The following NTN1 variants were observed in gnomAD, a reference collection of about 807,000 sequenced individuals.
The protein encoded by NTN1 is netrin-1.
Under a neutral mutation model 54.2 loss-of-function variants are expected in NTN1, and 11 were observed. The observed-to-expected ratio is 0.20, with a 90% confidence interval of 0.13 to 0.34. The LOEUF (loss-of-function observed/expected upper bound fraction) is 0.34. NTN1 is among the 10% of genes least tolerant of loss of function. NTN1 has a pLI of 1.00. For synonymous variants in NTN1, 371 were observed against 382.0 expected (o/e 0.97, Z 0.33); for missense variants, 740 against 893.1 (o/e 0.83, Z 2.18).
At chr17:9,079,941 G>T (rs2092065190) in intron 2 of NTN1, among the ~76,000 whole-genome samples, 1 of 149,776 alleles carries the variant, frequency 6.7e-6, no homozygotes, top group Non-Finnish European at 1.5e-5. Flanking sequence ...CCTGTTTCCT[G>T]ACCACCAAGG....
At chr17:9,186,776 G>T (rs970181696) in intron 5 of NTN1, among the ~76,000 whole-genome samples, 1 of 152,218 alleles carries the variant, frequency 6.6e-6, no homozygotes, top group Non-Finnish European at 1.5e-5. Context: ...ACTTTTTCAC[G>T]GAAGGAAGTT....
rs1347640166 is a variant in NTN1, at chr17:9,084,651, T to TTG, written c.1018+61261_1018+61262insGT. On this transcript the variant is annotated intron_variant, in intron 2 of 6. Transcript: ENST00000173229. ...TTTGGCTTTGTTCTTTGCAGTTTTTTTTTTTTTTTTTTTTTTTTGAGATGG... is the reference window on the plus strand; with the variant it reads ...TTTGGCTTTGTTCTTTGCAGTTTTTTTGTTTTTTTTTTTTTTTTTTGAGATGG... Among the ~76,000 whole-genome samples, 35 of 139,442 alleles carry TTG rather than the reference T, an allele frequency of 2.5e-4. 1 individual carries two copies. The highest frequency in any genetic ancestry group is 2.1e-3 in the Admixed American group (30 of 14,030). The allele number at this position is 139,442 out of a possible 152,430, so 91.5% of individuals were successfully genotyped here. A position where few individuals can be genotyped will look rare whatever the true frequency, so the allele number is the denominator to read the frequency against.
At chr17:9,155,858 C>T (rs1467638946) in intron 2 of NTN1, among the ~76,000 whole-genome samples, 1 of 152,178 alleles carries the variant, frequency 6.6e-6, no homozygotes, top group Non-Finnish European at 1.5e-5. Context: ...GTTTCTATCC[C>T]TGGATGCAAA....
intron 2 of NTN1, among the ~76,000 whole-genome samples, chr17:9,161,684 A>G (rs1405087663): frequency 1.3e-5 from 2 of 152,276 alleles, no homozygotes; most frequent in East Asian, 3.9e-4. Context: ...AGGGTGAGGC[A>G]AGAGAATCGC....
At chr17:9,038,904 T>C (rs1445753307) in intron 2 of NTN1, among the ~76,000 whole-genome samples, 2 of 152,216 alleles carry the variant, frequency 1.3e-5, no homozygotes, top group Non-Finnish European at 2.9e-5. Context: ...TAATATATTT[T>C]AATCTTTCAC....
chr17:9,109,785 T>C (rs945184337), intron 2 of NTN1, among the ~76,000 whole-genome samples: 1 of 152,254 alleles, frequency 6.6e-6, no homozygotes, highest in African/African-American at 2.4e-5. Context: ...TTGTCAGACT[T>C]GTGTATTTTT....
intron 2 of NTN1, among the ~76,000 whole-genome samples, chr17:9,151,133 C>T (rs377659710): frequency 5.1e-4 from 77 of 152,260 alleles, no homozygotes; most frequent in African/African-American, 1.7e-3. Context: ...TGTCCCTTCC[C>T]CCAGAAGCCT....
At chr17:9,180,589 A>G (rs982950151) in intron 4 of NTN1, among the ~76,000 whole-genome samples, 3 of 152,166 alleles carry the variant, frequency 2.0e-5, no homozygotes, top group Non-Finnish European at 4.4e-5. Context: ...GGGTGGGCCC[A>G]TTCCAGGAGT....
At chr17:9,084,648 T>TTC (rs1470649900) in intron 2 of NTN1, among the ~76,000 whole-genome samples, 1 of 125,120 alleles carries the variant, frequency 8.0e-6, no homozygotes, top group Non-Finnish European at 1.6e-5. Context: ...CTTTGCAGTT[T>TTC]TTTTTTTTTT....
intron 2 of NTN1, among the ~76,000 whole-genome samples, chr17:9,121,538 C>T (rs2092231772): frequency 6.6e-6 from 1 of 152,162 alleles, no homozygotes; most frequent in African/African-American, 2.4e-5. Context: ...GTTATTCTGG[C>T]ACTGTGATCA....
intron 2 of NTN1, among the ~76,000 whole-genome samples, chr17:9,061,893 C>T (rs902549322): frequency 4.0e-5 from 6 of 151,890 alleles, no homozygotes; most frequent in Admixed American, 2.0e-4. Context: ...TTAGTAAAGA[C>T]GGTGTTTCAC....
At chr17:9,207,662 G>A (rs1905000843) in intron 5 of NTN1, among the ~76,000 whole-genome samples, 1 of 152,170 alleles carries the variant, frequency 6.6e-6, no homozygotes. Context: ...CAGCCCTGAA[G>A]CTCATCAGTA....
intron 6 of NTN1, among the ~76,000 whole-genome samples, chr17:9,230,782 G>C (rs1905784052): frequency 2.0e-5 from 3 of 152,176 alleles, no homozygotes; most frequent in Admixed American, 1.3e-4. Flanking sequence ...GATCTGGGCA[G>C]CTTTCTGGCC....
At chr17:9,123,230 G>A (rs1229561138) in intron 2 of NTN1, among the ~76,000 whole-genome samples, 6 of 152,136 alleles carry the variant, frequency 3.9e-5, no homozygotes, top group Admixed American at 6.5e-5. Context: ...GGCCAACTTG[G>A]AAGACAAAAA....
chr17:9,019,160 G>C (rs2091838176), upstream of NTN1, among the ~76,000 whole-genome samples: 1 of 152,146 alleles, frequency 6.6e-6, no homozygotes, highest in Non-Finnish European at 1.5e-5. Context: ...TCTCGACTTT[G>C]TCTCCCTTCT....
intron 6 of NTN1, among the ~76,000 whole-genome samples, chr17:9,227,624 CT>C (rs1567745809): frequency 1.4e-5 from 2 of 147,482 alleles, no homozygotes; most frequent in Admixed American, 1.3e-4. Context: ...GATACACAGA[CT>C]ATCACGCACA....
chr17:9,171,264 G>A (rs142206762), intron 3 of NTN1: 203 of 152,254 alleles, frequency 1.3e-3, no homozygotes, highest in African/African-American at 4.6e-3. Flanking sequence ...ATTGGATTGC[G>A]GATGACCTAG....
Position 9,236,629 on chromosome 17 carries a change from G to C in NTN1, c.1487-3011G>C, listed in dbSNP as rs56908948. On this transcript the variant is annotated intron_variant, in intron 6 of 6. Transcript: ENST00000173229. ...GCGGCCAGGACAGCTCCCACCCCTG[G>C]AGTTGCTGAGATCTGCTGGGGGTGG... Among the ~76,000 whole-genome samples, 481 of 152,252 alleles carry C rather than the reference G, an allele frequency of 3.2e-3. 6 individuals carry two copies. Among genetic ancestry groups the C allele is most frequent in the African/African-American group, 0.01 (434 of 41,548 alleles).
In NTN1 at chr17:9,242,141, C is replaced by T. The variant is rs72814112; in HGVS notation, c.*2173C>T. The T allele has an allele frequency of 0.03, 4,600 of 152,664 alleles. 103 individuals are homozygous for T. The highest frequency in any genetic ancestry group is 0.046 in the Non-Finnish European group (3,152 of 68,310). 9.5% of individuals were successfully genotyped at this position (152,664 alleles called of 1,614,324 possible). ...CCAGGAAGGCAGGCCTTGGATGCTC[C>T]GAAGAGGTGGTAGAAAGGTGTTTTT... On this transcript the variant is annotated 3_prime_UTR_variant, in exon 7 of 7. Coordinates refer to ENST00000173229, the MANE Select transcript of NTN1 (RefSeq NM_004822.3).
Sources: allele counts gnomAD v4.1 joint callset (sites outside exome capture counted in the v4.1 genomes callset), GRCh38; gene constraint gnomAD v4.1.1; transcripts MANE v1.5; gene names NCBI Gene and HGNC (gene_info 2026-07-23, HGNC 2026-07-21).